ADISSP: variants seen among roughly 807,000 people sequenced by gnomAD.
ADISSP encodes the protein adipose secreted signaling protein, also known as adipose-secreted signaling protein.
At chr20:3,755,503 G>C in the ADISSP span, 1 of 1,612,822 alleles carries the variant, frequency 6.2e-7, no homozygotes, top group Admixed American at 1.7e-5. Context: ...GGAGCTTGAG[G>C]TGCAGGCTGG....
chr20:3,765,533 C>T, the ADISSP span, among the ~76,000 whole-genome samples: 3 of 152,332 alleles, frequency 2.0e-5, no homozygotes, highest in Admixed American at 1.3e-4. Context: ...TGACAATGCA[C>T]CCCCCATCTC....
the ADISSP span, among the ~76,000 whole-genome samples, chr20:3,758,015 CA>C: frequency 0.19 from 28,775 of 151,538 alleles, 3,037 homozygotes; most frequent in African/African-American, 0.27. This position sits in a 1 kb window ranked among gnomAD's most constrained non-coding sequence, Gnocchi z 5.5. Flanking sequence ...AAGCAGAAAA[CA>C]GGGGGTGATA....
At chr20:3,757,424 A>G in the ADISSP span, among the ~76,000 whole-genome samples, 3 of 152,264 alleles carry the variant, frequency 2.0e-5, no homozygotes, top group East Asian at 5.8e-4. Flanking sequence ...GACTGTGGGT[A>G]CTTTTAAATT....
chr20:3,754,782 A>AG, the ADISSP span, among the ~76,000 whole-genome samples: 1 of 152,254 alleles, frequency 6.6e-6, no homozygotes, highest in Non-Finnish European at 1.5e-5. Flanking sequence ...TGAATGAAGT[A>AG]GGGTCCAATT....
chr20:3,764,970 T>G, the ADISSP span, among the ~76,000 whole-genome samples: 1 of 152,220 alleles, frequency 6.6e-6, no homozygotes, highest in Non-Finnish European at 1.5e-5. Flanking sequence ...TGTCCATGCC[T>G]GCTTTGAGAG....
At chr20:3,761,675 T>G in the ADISSP span, among the ~76,000 whole-genome samples, 1 of 152,158 alleles carries the variant, frequency 6.6e-6, no homozygotes, top group Admixed American at 6.5e-5. Flanking sequence ...AAGTTTGCAA[T>G]GGAGGTATGT....
the ADISSP span, chr20:3,754,582 ACTCACGGGCCC>A: frequency 3.0e-5 from 47 of 1,560,394 alleles, no homozygotes; most frequent in Non-Finnish European, 3.5e-6. Flanking sequence ...TGCCCCTGGC[ACTCACGGGCCC>A]CTACCCACCA....
the ADISSP span, among the ~76,000 whole-genome samples, chr20:3,763,255 CAA>C: frequency 1.0e-4 from 5 of 48,746 alleles, no homozygotes; most frequent in Non-Finnish European, 7.8e-5. Context: ...GACTCTGTCT[CAA>C]AAAAAAAAAA....
At chr20:3,762,347 GA>G in the ADISSP span, among the ~76,000 whole-genome samples, 1 of 152,126 alleles carries the variant, frequency 6.6e-6, no homozygotes, top group Non-Finnish European at 1.5e-5. Context: ...AACTACAGCT[GA>G]TTACACAGCT....
chr20:3,754,663 G>T, the ADISSP span: 2 of 821,834 alleles, frequency 2.4e-6, no homozygotes, highest in Non-Finnish European at 3.9e-6. Context: ...CCCTTCTGGA[G>T]CCCAGAGACC....
chr20:3,755,124 G>A, the ADISSP span, among the ~76,000 whole-genome samples: 4 of 152,258 alleles, frequency 2.6e-5, no homozygotes, highest in Admixed American at 6.5e-5. Context: ...TTATCCACAC[G>A]GTGTGTGTAG....
At chr20:3,760,160 C>T in the ADISSP span, 2 of 1,418,956 alleles carry the variant, frequency 1.4e-6, no homozygotes, top group Non-Finnish European at 2.0e-6. Flanking sequence ...CAGCAGCCTC[C>T]CATGCTCCAG....
chr20:3,762,804 T>A, the ADISSP span, among the ~76,000 whole-genome samples: 1 of 152,186 alleles, frequency 6.6e-6, no homozygotes, highest in Non-Finnish European at 1.5e-5. Flanking sequence ...TATTTGGCCC[T>A]TCAGAGCAAA....
the ADISSP span, chr20:3,759,942 T>C: frequency 1.7e-4 from 240 of 1,403,196 alleles, no homozygotes; most frequent in Non-Finnish European, 2.3e-4. The surrounding 1 kb of genome is among the most constrained non-coding windows in gnomAD (Gnocchi z 4.6). Context: ...CCCAATCACA[T>C]TCGCACACCA....
At chr20:3,768,272 C>T in the ADISSP span, 1 of 152,306 alleles carries the variant, frequency 6.6e-6, no homozygotes, top group African/African-American at 2.4e-5. Context: ...CTGTTTCGAC[C>T]CCAGGGTTTG....
chr20:3,757,983 T>C, the ADISSP span, among the ~76,000 whole-genome samples: 1 of 149,464 alleles, frequency 6.7e-6, no homozygotes, highest in Non-Finnish European at 1.5e-5. Context: ...TCAGTCTCCA[T>C]TTTCCCCAAT....
chr20:3,766,829 C>T, the ADISSP span, among the ~76,000 whole-genome samples: 2 of 152,152 alleles, frequency 1.3e-5, no homozygotes, highest in African/African-American at 4.8e-5. Flanking sequence ...CTTCAACTCC[C>T]CGGAGCAGAA....
the ADISSP span, among the ~76,000 whole-genome samples, chr20:3,756,024 A>G: frequency 6.6e-6 from 1 of 152,186 alleles, no homozygotes; most frequent in African/African-American, 2.4e-5. Flanking sequence ...GGGAAAGTTC[A>G]AAGTCCCATG....
the ADISSP span, among the ~76,000 whole-genome samples, chr20:3,762,026 G>A: frequency 2.0e-5 from 3 of 152,110 alleles, no homozygotes; most frequent in African/African-American, 7.2e-5. Flanking sequence ...GGTGGCTCAC[G>A]CCTGTAATCC....
Sources: gnomAD v4.1 joint callset for allele counts (sites outside exome capture counted in the v4.1 genomes callset) on GRCh38, gnomAD v4.1.1 for gene constraint, Gnocchi (gnomAD v3.1) non-coding constraint, MANE v1.5 for transcripts, NCBI Gene and HGNC (gene_info 2026-07-23, HGNC 2026-07-21) for gene names.